GPC5: variants seen among roughly 807,000 people sequenced by gnomAD.
The protein encoded by GPC5 is glypican-5.
GPC5 carries 47 observed loss-of-function variants against 53.9 expected under a neutral mutation model. The ratio of observed to expected loss-of-function variants is 0.87; its 90% confidence interval spans 0.69 to 1.11. GPC5 has a LOEUF of 1.11. Ranked by LOEUF, GPC5 falls within the 50% of genes most tolerant of loss-of-function variation. The pLI, the probability that GPC5 is intolerant of heterozygous loss-of-function variation, is 0.00. For missense variants in GPC5, 748 were observed against 713.1 expected (o/e 1.05, Z -0.56); for synonymous variants, 286 against 263.3 (o/e 1.09, Z -0.84).
intron 2 of GPC5, among the ~76,000 whole-genome samples, chr13:91,535,376 T>G (rs1886542469): frequency 6.6e-6 from 1 of 152,200 alleles, no homozygotes; most frequent in African/African-American, 2.4e-5. Context: ...TCTTGTGTTG[T>G]ATTAGGAAGC....
chr13:91,715,457 T>A (rs759219587), intron 3 of GPC5, among the ~76,000 whole-genome samples: 1 of 152,144 alleles, frequency 6.6e-6, no homozygotes, highest in Non-Finnish European at 1.5e-5. Flanking sequence ...CGTGGAGAAG[T>A]ATAGAGTATA....
chr13:92,625,854 A>G (rs1439433110), intron 7 of GPC5, among the ~76,000 whole-genome samples: 1 of 152,200 alleles, frequency 6.6e-6, no homozygotes, highest in Non-Finnish European at 1.5e-5. Flanking sequence ...CTCAAAGGTG[A>G]TGTCACCAAG....
intron 7 of GPC5, among the ~76,000 whole-genome samples, chr13:92,731,069 A>G (rs1459937692): frequency 6.6e-6 from 1 of 151,440 alleles, no homozygotes; most frequent in Non-Finnish European, 1.5e-5. Flanking sequence ...TCAGCTTTCT[A>G]GTGATGATCA....
At chr13:92,491,771 GA>G (rs1566614182) in intron 7 of GPC5, among the ~76,000 whole-genome samples, 3 of 151,900 alleles carry the variant, frequency 2.0e-5, no homozygotes, top group African/African-American at 7.3e-5. Context: ...ATTTTTTTCA[GA>G]CTACTCCAAA....
intron 2 of GPC5, among the ~76,000 whole-genome samples, chr13:91,579,172 G>A (rs1331295701): frequency 6.6e-6 from 1 of 152,110 alleles, no homozygotes; most frequent in East Asian, 1.9e-4. Flanking sequence ...GTCATGTACT[G>A]TCACATGTGG....
intron 5 of GPC5, among the ~76,000 whole-genome samples, chr13:91,795,333 A>G (rs1158303150): frequency 6.6e-6 from 1 of 152,220 alleles, no homozygotes; most frequent in Non-Finnish European, 1.5e-5. Flanking sequence ...AAATCGCATT[A>G]AAGGATTTCT....
chr13:92,510,491 G>C (rs550203614), intron 7 of GPC5, among the ~76,000 whole-genome samples: 1 of 152,246 alleles, frequency 6.6e-6, no homozygotes, highest in South Asian at 2.1e-4. Flanking sequence ...TGGCTTCAGG[G>C]AGCTACCTTT....
chr13:91,844,831 T>C (rs2038830231), intron 5 of GPC5, among the ~76,000 whole-genome samples: 1 of 152,144 alleles, frequency 6.6e-6, no homozygotes, highest in South Asian at 2.1e-4. Flanking sequence ...GTTCAAGCGA[T>C]TCTCCTTTCT....
intron 6 of GPC5, among the ~76,000 whole-genome samples, chr13:91,993,544 C>A (rs771071886): frequency 6.6e-6 from 1 of 152,084 alleles, no homozygotes; most frequent in African/African-American, 2.4e-5. Context: ...AGCAGAAACA[C>A]GTTTTGTCAG....
At chr13:91,849,286 C>T (rs17668748) in intron 5 of GPC5, among the ~76,000 whole-genome samples, 7,385 of 152,194 alleles carry the variant, frequency 0.049, 371 homozygotes, top group East Asian at 0.22. Flanking sequence ...ATTACCAAGG[C>T]TTTGTGTCTG....
intron 6 of GPC5, among the ~76,000 whole-genome samples, chr13:92,124,682 GT>G (rs2041680353): frequency 6.6e-6 from 1 of 152,150 alleles, no homozygotes; most frequent in South Asian, 2.1e-4. Context: ...TTGTGTGTGA[GT>G]TTGCTGATAA....
chr13:92,316,351 A>C (rs1388901685), intron 7 of GPC5, among the ~76,000 whole-genome samples: 1 of 152,316 alleles, frequency 6.6e-6, no homozygotes, highest in South Asian at 2.1e-4. Flanking sequence ...ATACTTAAGC[A>C]TGACAAATAT....
At chr13:92,275,260 T>C (rs1051928344) in intron 7 of GPC5, among the ~76,000 whole-genome samples, 1 of 152,148 alleles carries the variant, frequency 6.6e-6, no homozygotes, top group Non-Finnish European at 1.5e-5. Flanking sequence ...CTTCTGTATT[T>C]TTTCTAATAT....
intron 7 of GPC5, chr13:92,701,333 A>AAATT (rs1195930403): frequency 1.3e-5 from 2 of 152,120 alleles, no homozygotes; most frequent in Non-Finnish European, 2.9e-5. Flanking sequence ...ACCAACATTA[A>AAATT]AATTTGATGT....
At chr13:91,828,384 T>TAGGA (rs1186465354) in intron 5 of GPC5, among the ~76,000 whole-genome samples, 1 of 139,224 alleles carries the variant, frequency 7.2e-6, no homozygotes, top group Non-Finnish European at 1.6e-5. Context: ...GGTAGGTAGG[T>TAGGA]AGGAAGGAAG....
At chr13:92,381,909 GAT>G (rs1491229146) in intron 7 of GPC5, among the ~76,000 whole-genome samples, 2 of 122,120 alleles carry the variant, frequency 1.6e-5, no homozygotes, top group South Asian at 2.4e-4. Flanking sequence ...TCATATATAT[GAT>G]ATATATAATC....
At chr13:92,776,590 A>G (rs778659092) in intron 7 of GPC5, among the ~76,000 whole-genome samples, 3 of 152,204 alleles carry the variant, frequency 2.0e-5, no homozygotes, top group Non-Finnish European at 2.9e-5. Context: ...TCAATGTCTG[A>G]TAGAATAGGC....
At chr13:91,580,735 A>T (rs550727776) in intron 2 of GPC5, among the ~76,000 whole-genome samples, 1 of 152,234 alleles carries the variant, frequency 6.6e-6, no homozygotes, top group East Asian at 1.9e-4. Flanking sequence ...CTTGCCATGC[A>T]CACAATCATT....
intron 5 of GPC5, among the ~76,000 whole-genome samples, chr13:91,761,298 G>A (rs1464444963): frequency 6.6e-6 from 1 of 152,080 alleles, no homozygotes; most frequent in Non-Finnish European, 1.5e-5. Context: ...CTCAAACCAT[G>A]TTTTTCCTCT....
Sources: gnomAD v4.1 joint callset for allele counts (sites outside exome capture counted in the v4.1 genomes callset) on GRCh38, gnomAD v4.1.1 for gene constraint, MANE v1.5 for transcripts, NCBI Gene and HGNC (gene_info 2026-07-23, HGNC 2026-07-21) for gene names.